Variants in DENND3 observed in about 807,000 individuals in gnomAD.
DENND3 encodes the protein DENN domain containing 3, also known as DENN domain-containing protein 3.
A neutral mutation model predicts 135.1 loss-of-function variants in DENND3; 88 were observed. The ratio of observed to expected loss-of-function variants is 0.65; its 90% confidence interval spans 0.55 to 0.78. The LOEUF is 0.78. Ranked by LOEUF, DENND3 falls within the 30% of genes least tolerant of loss-of-function variation. The pLI, the probability that DENND3 is intolerant of heterozygous loss-of-function variation, is 0.00. For synonymous variants in DENND3, 693 were observed against 712.3 expected (o/e 0.97, Z 0.43); for missense variants, 1,392 against 1,688.4 (o/e 0.82, Z 3.08).
intron 1 of DENND3, among the ~76,000 whole-genome samples, chr8:141,132,052 C>T (rs1035976413): frequency 6.6e-6 from 1 of 152,052 alleles, no homozygotes; most frequent in African/African-American, 2.4e-5. Flanking sequence ...GAGAACCACC[C>T]ACACATCTCT....
rs982221893 is a variant in DENND3, at chr8:141,128,779, C to G, written c.72C>G (p.Ala24=). Residue 24 remains alanine (A), a synonymous_variant, in exon 1 of 23, where the codon GCC becomes GCG. Transcript: ENST00000519811. This position sits in a 1 kb window ranked among gnomAD's most constrained non-coding sequence, Gnocchi z 4.5. ...GLLELCALLG[A]PRDSLRSLEQ... ...TGGAGCTCTGCGCGCTGCTGGGCGCCCCCCGGGACAGTCTCCGAAGTCTCG... is the reference window on the plus strand; with the variant it reads ...TGGAGCTCTGCGCGCTGCTGGGCGCGCCCCGGGACAGTCTCCGAAGTCTCG... The G allele has an allele frequency of 1.4e-6, 2 of 1,462,756 alleles. No homozygotes were observed. The highest frequency in any genetic ancestry group is 2.9e-5 in the African/African-American group (2 of 68,124). The allele number at this position is 1,462,756 out of a possible 1,614,324, so 90.6% of individuals were successfully genotyped here. A position where few individuals can be genotyped will look rare whatever the true frequency, so the allele number is the denominator to read the frequency against.
chr8:141,153,675 G>A (rs960909628), intron 7 of DENND3, among the ~76,000 whole-genome samples: 3 of 152,244 alleles, frequency 2.0e-5, no homozygotes, highest in African/African-American at 7.2e-5. Context: ...TCAGGAAAAG[G>A]CCAGGCAGAC....
In DENND3 at chr8:141,137,980, T is replaced by G. The variant is rs940893365; in HGVS notation, c.386-42T>G. ...TCAGCTCGTGGGTAACCCAGGCCACTTGGCAAGAACAGGATTCTTCTCTGT... is the reference window on the plus strand; with the variant it reads ...TCAGCTCGTGGGTAACCCAGGCCACGTGGCAAGAACAGGATTCTTCTCTGT... On this transcript the variant is annotated intron_variant, in intron 2 of 22. Transcript: ENST00000519811. This position sits in a 1 kb window ranked among gnomAD's most constrained non-coding sequence, Gnocchi z 4.1. The G allele has an allele frequency of 1.3e-6, 2 of 1,555,204 alleles. No individual in the cohort carries two copies. The highest frequency in any genetic ancestry group is 2.7e-5 in the African/African-American group (2 of 73,434).
intron 16 of DENND3, 103 bp from the exon 17 acceptor site, chr8:141,180,644 C>A: frequency 8.9e-7 from 1 of 1,122,206 alleles, no homozygotes; most frequent in Non-Finnish European, 1.3e-6. Flanking sequence ...GAAGTTTTAC[C>A]TGCAAGCTGA....
chr8:141,184,911 G>A (rs1268071699), intron 17 of DENND3: 11 of 477,702 alleles, frequency 2.3e-5, no homozygotes, highest in Middle Eastern at 5.5e-4. Flanking sequence ...ATCTGCCTGC[G>A]GCTCTGACCC....
At chr8:141,158,301 G>A in intron 8 of DENND3, 1 of 1,282,160 alleles carries the variant, frequency 7.8e-7, no homozygotes, top group Non-Finnish European at 1.0e-6. Context: ...AGCCACAGCT[G>A]CTTCCTTGAC....
At chr8:141,192,059 C>G in intron 20 of DENND3, 1 of 364,992 alleles carries the variant, frequency 2.7e-6, no homozygotes, top group South Asian at 4.4e-5. Flanking sequence ...TTTGCTTAAG[C>G]AGTCAATGAT....
intron 1 of DENND3, among the ~76,000 whole-genome samples, chr8:141,135,781 A>T (rs1026224145): frequency 6.6e-6 from 1 of 152,240 alleles, no homozygotes; most frequent in African/African-American, 2.4e-5. Flanking sequence ...AAAGGCAAAA[A>T]TAAAAATTAT....
rs987662739 is a variant in DENND3 at position 141,180,829 on chromosome 8, G to A, written c.2919G>A (p.Ala973=). ...CGGCGGGGGAGGCGTTCCCACAAGCGGTGGACGTGCTGCTCTACACTCCAG... is the reference window on the plus strand; with the variant it reads ...CGGCGGGGGAGGCGTTCCCACAAGCAGTGGACGTGCTGCTCTACACTCCAG... The part of the protein sequence containing the change: ...NPSAGEAFPQ[A]VDVLLYTPGH... Residue 973 remains alanine (A), a synonymous_variant, in exon 17 of 23, where the codon GCG becomes GCA. Coordinates refer to ENST00000519811, the MANE Select transcript of DENND3 (RefSeq NM_001352890.3). The A allele has an allele frequency of 5.6e-6, 9 of 1,613,154 alleles. No individual in the cohort carries two copies. Among genetic ancestry groups the A allele is most frequent in the African/African-American group, 4.0e-5 (3 of 75,030 alleles).
In DENND3 at chr8:141,185,131, C is replaced by CTCTT; in HGVS notation, c.2945-6_2945-3dup. The CTCTT allele has an allele frequency of 6.2e-7, 1 of 1,611,828 alleles. No homozygotes were observed. Among genetic ancestry groups the CTCTT allele is most frequent in the South Asian group, 1.1e-5 (1 of 90,972 alleles). On this transcript the variant is annotated splice_polypyrimidine_tract_variant and splice_region_variant and intron_variant, in intron 17 of 22. Coordinates refer to ENST00000519811, the MANE Select transcript of DENND3 (RefSeq NM_001352890.3). ...CTCCTAACAGTTTTGTGCTGCTCTCCTCTTTAGGGCATCTTGACCCAGCCG... is the reference window on the plus strand; with the variant it reads ...CTCCTAACAGTTTTGTGCTGCTCTCCTCTTTCTTTAGGGCATCTTGACCCAGCCG...
rs147078537 is a variant in DENND3, at chr8:141,150,929, C to T, written c.831C>T (p.Cys277=). 4 of 1,604,696 alleles carry T rather than the reference C, an allele frequency of 2.5e-6. No individual in the cohort carries two copies. Among genetic ancestry groups the T allele is most frequent in the Admixed American group, 3.5e-5 (2 of 56,790 alleles). ...LDLDLHLPLL[C]FRPEKVLQIL... ...TGGACCTTCACCTGCCCTTGCTGTG[C>T]TTCAGGCCTGAGAAGGTGCTACAGG... Residue 277 remains cysteine (C), a synonymous_variant, in exon 6 of 23, where the codon TGC becomes TGT. Coordinates refer to ENST00000519811, the MANE Select transcript of DENND3 (RefSeq NM_001352890.3).
intron 17 of DENND3, among the ~76,000 whole-genome samples, chr8:141,181,090 T>C (rs1016135687): frequency 6.6e-6 from 1 of 152,212 alleles, no homozygotes; most frequent in Non-Finnish European, 1.5e-5. Context: ...GGAGATGGAA[T>C]TGGGGCCAGC....
chr8:141,160,666 GCCGC>G lies in DENND3; in HGVS notation c.1234_1237del (p.Ala412ThrfsTer8). 1 of 1,610,100 alleles carries G rather than the reference GCCGC, an allele frequency of 6.2e-7. No homozygotes were observed. Among genetic ancestry groups the G allele is most frequent in the African/African-American group, 1.3e-5 (1 of 74,968 alleles). ...CCTCCAGCTCCACCATGAGCTGCAC[GCCGC>G]CCACCTCCTCTCCAGCACAGACCTG... is the stretch of plus-strand genomic sequence containing the variant. On this transcript the variant is annotated frameshift_variant, in exon 9 of 23. Transcript: ENST00000519811. LOFTEE classifies it high-confidence loss of function.
At chr8:141,151,581 T>TA (rs748583127) in intron 6 of DENND3, 38 bp from the exon 7 acceptor site, 7 of 1,513,796 alleles carry the variant, frequency 4.6e-6, no homozygotes, top group African/African-American at 1.4e-5. Flanking sequence ...TTTTTTTTTT[T>TA]AAAAGCATGT....
chr8:141,160,863 C>T (rs1006201512), intron 9 of DENND3, 76 bp downstream of exon 9: 34 of 1,528,698 alleles, frequency 2.2e-5, no homozygotes, highest in Non-Finnish European at 2.8e-5. Flanking sequence ...TCGTGCACCC[C>T]GCCCCAGAGG....
chr8:141,179,762 C>A (rs116597540), intron 16 of DENND3, among the ~76,000 whole-genome samples: 1,594 of 152,320 alleles, frequency 0.01, 31 homozygotes, highest in African/African-American at 0.036. Context: ...TCACGGATGT[C>A]GACGTGTGTC....
chr8:141,194,283 C>G lies in DENND3; in HGVS notation c.*50C>G. On this transcript the variant is annotated 3_prime_UTR_variant, in exon 23 of 23. Transcript: ENST00000519811. Reference sequence around the variant, plus strand: ...ACTGTGCCCTATGTGTGGGGACTGGCTGCCCCCTAGAGCCTGCCAGGAGCA... The same window carrying G: ...ACTGTGCCCTATGTGTGGGGACTGGGTGCCCCCTAGAGCCTGCCAGGAGCA... 1 of 1,581,428 alleles carries G rather than the reference C, an allele frequency of 6.3e-7. No homozygotes were observed. The highest frequency in any genetic ancestry group is 8.6e-7 in the Non-Finnish European group (1 of 1,163,638).
intron 19 of DENND3, 117 bp from the exon 20 acceptor site, chr8:141,190,167 T>G (rs141430129): frequency 7.5e-7 from 1 of 1,330,016 alleles, no homozygotes; most frequent in Non-Finnish European, 9.8e-7. Flanking sequence ...TGTTTGCAGG[T>G]TATCCGTGTT....
chr8:141,190,441 AG>A (rs757548365), intron 20 of DENND3, 24 bp downstream of exon 20: 1 of 1,590,822 alleles, frequency 6.3e-7, no homozygotes, highest in East Asian at 2.3e-5. Flanking sequence ...CTGCCATCAG[AG>A]CGGGCACCCT....
Sources: allele counts gnomAD v4.1 joint callset (sites outside exome capture counted in the v4.1 genomes callset), GRCh38; gene constraint gnomAD v4.1.1; non-coding constraint Gnocchi (gnomAD v3.1); transcripts MANE v1.5; gene names NCBI Gene and HGNC (gene_info 2026-07-23, HGNC 2026-07-21).